SLC1A2: variants seen among roughly 807,000 people sequenced by gnomAD.
SLC1A2 encodes excitatory amino acid transporter 2.
Under a neutral mutation model 48.8 loss-of-function variants are expected in SLC1A2, and 15 were observed. The ratio of observed to expected loss-of-function variants is 0.31; its 90% CI spans 0.21 to 0.47. SLC1A2 has a LOEUF of 0.47. Ranked by LOEUF, SLC1A2 falls within the 20% of genes least tolerant of loss-of-function variation. The pLI is 0.99. For missense variants in SLC1A2, 502 were observed against 730.5 expected (o/e 0.69, Z 3.61); for synonymous variants, 279 against 272.6 (o/e 1.02, Z -0.23).
chr11:35,272,696 G>T (rs377748413), intron 9 of SLC1A2, among the ~76,000 whole-genome samples: 3 of 152,158 alleles, frequency 2.0e-5, no homozygotes, highest in Non-Finnish European at 4.4e-5. Flanking sequence ...GAGCTTTAAG[G>T]CTTGGTAAAA....
chr11:35,261,631 G>T, intron 10 of SLC1A2: 1 of 398,500 alleles, frequency 2.5e-6, no homozygotes, highest in East Asian at 3.6e-5. Context: ...CAGAATAGGA[G>T]GTTTTCCCCT....
rs542630618 is a variant in SLC1A2, at chr11:35,338,574, G to A, written c.18-21058C>T. ...GAAGGAGGAGCTCTTCTTTGCTGAGGTTTCTTAGCTGCTAGGATGTGTCCA... is the reference window on the plus strand; with the variant it reads ...GAAGGAGGAGCTCTTCTTTGCTGAGATTTCTTAGCTGCTAGGATGTGTCCA... On this transcript the variant is annotated intron_variant, in intron 1 of 10. Coordinates refer to ENST00000278379, the MANE Select transcript of SLC1A2 (RefSeq NM_004171.4). Among the ~76,000 whole-genome samples, 7 of 152,246 alleles carry A rather than the reference G, an allele frequency of 4.6e-5. No homozygotes were observed. In the East Asian group the frequency reaches 1.4e-3, roughly 29 times the overall value.
intron 4 of SLC1A2, among the ~76,000 whole-genome samples, chr11:35,311,893 G>GAGGGAGAGAGAGA (rs1565233363): frequency 1.4e-5 from 1 of 69,242 alleles, no homozygotes; most frequent in Non-Finnish European, 2.6e-5. Flanking sequence ...AGAGAGAGAG[G>GAGGGAGAGAGAGA]GAGGGAGAGA....
intron 1 of SLC1A2, among the ~76,000 whole-genome samples, chr11:35,362,399 T>G (rs1241567824): frequency 6.6e-6 from 1 of 152,194 alleles, no homozygotes; most frequent in Admixed American, 6.5e-5. Context: ...TATGTTAAAA[T>G]AAAGAATCCT....
At chr11:35,411,872 C>A (rs1356325025) in intron 1 of SLC1A2, among the ~76,000 whole-genome samples, 1 of 152,130 alleles carries the variant, frequency 6.6e-6, no homozygotes, top group Non-Finnish European at 1.5e-5. Flanking sequence ...TGGCACATCT[C>A]CACTCAAAGA....
At chr11:35,387,248 G>A (rs555459572) in intron 1 of SLC1A2, among the ~76,000 whole-genome samples, 1 of 152,252 alleles carries the variant, frequency 6.6e-6, no homozygotes, top group South Asian at 2.1e-4. Context: ...GTGGGTGGGG[G>A]AAGAAATGCC....
At chr11:35,385,891 G>A (rs868782721) in intron 1 of SLC1A2, among the ~76,000 whole-genome samples, 14 of 152,300 alleles carry the variant, frequency 9.2e-5, no homozygotes, top group East Asian at 3.9e-4. Flanking sequence ...CAGTTGGCCC[G>A]GCGCGGTGGC....
Position 35,265,638 on chromosome 11 carries a change from AAT to A in SLC1A2, c.1540_1541del (p.Ile514Ter). ...IDSQHRVHED[I>X]EMTKTQSIYD... ...AAATGGATTGAGTCTTGGTCATTTC[AAT>A]ATCTTCATGCACTCGATGCTGGGAG... On this transcript the variant is annotated frameshift_variant, in exon 10 of 11. Coordinates refer to ENST00000278379, the MANE Select transcript of SLC1A2 (RefSeq NM_004171.4). LOFTEE classifies it high-confidence loss of function. The A allele has an allele frequency of 6.2e-7, 1 of 1,612,920 alleles. No individual in the cohort carries two copies.
At position 35,257,162 on chromosome 11, in the gene SLC1A2, G is replaced by A. The variant is rs1950325314; in HGVS notation, c.*3732C>T. Reference sequence around the variant, plus strand: ...TTGACTAGATACATATGCAAATGATGTATTTCTCCACACACAAGTGGAAAT... The same window carrying A: ...TTGACTAGATACATATGCAAATGATATATTTCTCCACACACAAGTGGAAAT... On this transcript the variant is annotated 3_prime_UTR_variant, in exon 11 of 11. Transcript: ENST00000278379. 1 of 152,142 alleles carries A rather than the reference G, an allele frequency of 6.6e-6. No individual in the cohort carries two copies. Among genetic ancestry groups the A allele is most frequent in the African/African-American group, 2.4e-5 (1 of 41,440 alleles). The allele number at this position is 152,142 out of a possible 1,614,324, so 9.4% of individuals were successfully genotyped here. A position where few individuals can be genotyped will look rare whatever the true frequency, so the allele number is the denominator to read the frequency against.
At chr11:35,274,508 A>T (rs116751071) in intron 9 of SLC1A2, among the ~76,000 whole-genome samples, 256 of 152,318 alleles carry the variant, frequency 1.7e-3, no homozygotes, top group African/African-American at 5.8e-3. Flanking sequence ...AGGTTAACGT[A>T]GGAATTAGTT....
intron 2 of SLC1A2, 48 bp from the exon 3 acceptor site, chr11:35,315,223 A>G (rs982708439): frequency 1.4e-5 from 21 of 1,454,534 alleles, no homozygotes; most frequent in Non-Finnish European, 1.8e-5. Flanking sequence ...GCCTTCGTCA[A>G]ATGACTTACT....
chr11:35,329,165 A>G (rs1342883044), intron 1 of SLC1A2, among the ~76,000 whole-genome samples: 1 of 152,266 alleles, frequency 6.6e-6, no homozygotes, highest in Non-Finnish European at 1.5e-5. Flanking sequence ...TACATACTGT[A>G]TGATTCCAAC....
intron 1 of SLC1A2, among the ~76,000 whole-genome samples, chr11:35,343,042 T>A (rs1852900316): frequency 1.3e-5 from 2 of 152,230 alleles, no homozygotes; most frequent in Admixed American, 6.5e-5. Context: ...GGGACTTCTA[T>A]CACTATCCTG....
rs116425726 is a variant in SLC1A2 at position 35,411,911 on chromosome 11, C to T, written c.17+7039G>A. Among the ~76,000 whole-genome samples the T allele has an allele frequency of 4.9e-3, 737 of 151,938 alleles. 7 individuals carry two copies. The highest frequency in any genetic ancestry group is 0.016 in the African/African-American group (683 of 41,444). On this transcript the variant is annotated intron_variant, in intron 1 of 10. Coordinates refer to ENST00000278379, the MANE Select transcript of SLC1A2 (RefSeq NM_004171.4). ...ACTTCTTTCTGTAATAGTTGCTGTC[C>T]TTCTTAAGGCATTGCCTCTTAAATT...
chr11:35,296,662 C>A (rs1396200943), intron 6 of SLC1A2, among the ~76,000 whole-genome samples: 1 of 152,096 alleles, frequency 6.6e-6, no homozygotes, highest in Non-Finnish European at 1.5e-5. Flanking sequence ...CTCTCTAGAC[C>A]TTTGTTCTGA....
intron 6 of SLC1A2, among the ~76,000 whole-genome samples, chr11:35,292,985 G>C (rs1451954432): frequency 9.3e-6 from 1 of 107,866 alleles, no homozygotes; most frequent in East Asian, 3.7e-4. Flanking sequence ...AAATGAGAGA[G>C]AGACAGAGAG....
At chr11:35,364,996 G>T (rs762548752) in intron 1 of SLC1A2, among the ~76,000 whole-genome samples, 2 of 152,210 alleles carry the variant, frequency 1.3e-5, no homozygotes, top group Non-Finnish European at 2.9e-5. Flanking sequence ...CACAGCCAAT[G>T]CGTTTTAGAG....
chr11:35,316,702 G>A (rs906769228), intron 2 of SLC1A2: 1 of 152,216 alleles, frequency 6.6e-6, no homozygotes, highest in Non-Finnish European at 1.5e-5. Flanking sequence ...GAAATGGTGT[G>A]GTTGTCATTA....
At chr11:35,370,740 G>A (rs950784803) in intron 1 of SLC1A2, among the ~76,000 whole-genome samples, 1 of 152,078 alleles carries the variant, frequency 6.6e-6, no homozygotes, top group African/African-American at 2.4e-5. Context: ...TCTCACTGGA[G>A]GCAGTGTCTG....
Sources: gnomAD v4.1 joint callset for allele counts (sites outside exome capture counted in the v4.1 genomes callset) on GRCh38, gnomAD v4.1.1 for gene constraint, MANE v1.5 for transcripts, NCBI Gene and HGNC (gene_info 2026-07-23, HGNC 2026-07-21) for gene names.